The following KCNIP4 variants were observed in gnomAD, a reference collection of about 807,000 sequenced individuals.
KCNIP4 encodes potassium voltage-gated channel interacting protein 4.
Under a neutral mutation model 34.0 loss-of-function variants are expected in KCNIP4, and 12 were observed. The ratio of observed to expected loss-of-function variants is 0.35; its 90% CI spans 0.23 to 0.57. KCNIP4 has a LOEUF of 0.57. Ranked by LOEUF, KCNIP4 falls within the 20% of genes least tolerant of loss-of-function variation. The probability of loss-of-function intolerance (pLI) is 0.83; values close to 1 mark genes in which losing one functional copy is unlikely to be tolerated. For synonymous variants in KCNIP4, 124 were observed against 102.2 expected (o/e 1.21, Z -1.29); for missense variants, 238 against 311.7 (o/e 0.76, Z 1.78).
intron 1 of KCNIP4, among the ~76,000 whole-genome samples, chr4:21,006,991 C>A (rs913946093): frequency 6.6e-6 from 1 of 152,186 alleles, no homozygotes; most frequent in Non-Finnish European, 1.5e-5. Context: ...CTGGCAGTGC[C>A]TGGCTGACTT....
intron 1 of KCNIP4, among the ~76,000 whole-genome samples, chr4:21,433,852 A>C (rs1874339): frequency 0.29 from 43,529 of 152,120 alleles, 7,153 homozygotes; most frequent in Non-Finnish European, 0.38. Context: ...CTTCCATATA[A>C]ATAATTATCA....
chr4:21,478,167 G>A (rs966403072), intron 1 of KCNIP4, among the ~76,000 whole-genome samples: 3 of 151,304 alleles, frequency 2.0e-5, no homozygotes, highest in East Asian at 1.9e-4. Context: ...TCTTAATCTG[G>A]TTAATTTCCC....
chr4:20,943,700 G>C (rs1358511281), intron 1 of KCNIP4, among the ~76,000 whole-genome samples: 1 of 152,086 alleles, frequency 6.6e-6, no homozygotes, highest in African/African-American at 2.4e-5. Flanking sequence ...GTCTCTAATA[G>C]TTTCCTCCAC....
At chr4:21,385,749 A>G (rs1426042294) in intron 1 of KCNIP4, among the ~76,000 whole-genome samples, 1 of 152,182 alleles carries the variant, frequency 6.6e-6, no homozygotes, top group Non-Finnish European at 1.5e-5. Context: ...GAGAGATTAG[A>G]TGGGGCAGGT....
chr4:20,974,614 CA>C (rs1381846846), intron 1 of KCNIP4, among the ~76,000 whole-genome samples: 2 of 152,116 alleles, frequency 1.3e-5, no homozygotes, highest in Non-Finnish European at 2.9e-5. Context: ...AGATGCAGCT[CA>C]AAGATCACCT....
At chr4:20,816,474 C>G (rs1335143797) in intron 3 of KCNIP4, among the ~76,000 whole-genome samples, 2 of 152,104 alleles carry the variant, frequency 1.3e-5, no homozygotes, top group Non-Finnish European at 2.9e-5. Context: ...GACAAAAGAC[C>G]TCTCCAGCCA....
At chr4:21,499,330 C>CAAAAAAAAAAAAAAAAAA (rs527385773) in intron 1 of KCNIP4, among the ~76,000 whole-genome samples, 18 of 98,232 alleles carry the variant, frequency 1.8e-4, no homozygotes, top group African/African-American at 7.2e-4. Context: ...GACTCCATCT[C>CAAAAAAAAAAAAAAAAAA]AAAAAAAAAA....
At chr4:21,518,230 T>C (rs2109940772) in intron 1 of KCNIP4, among the ~76,000 whole-genome samples, 1 of 152,300 alleles carries the variant, frequency 6.6e-6, no homozygotes, top group East Asian at 1.9e-4. Flanking sequence ...TATATTGGCC[T>C]GGCAAGTCCA....
rs568178444 is a variant in KCNIP4, at chr4:20,971,478, AC to A, written c.62-88770del. On this transcript the variant is annotated intron_variant, in intron 1 of 8. Coordinates refer to ENST00000382152, the MANE Select transcript of KCNIP4 (RefSeq NM_025221.6). ...CAAATATCACAATCAAGCAAACCAT[AC>A]TTTTTTTTTTGTTTTCCTGTGAATA... 3.4e-3 allele frequency among the ~76,000 whole-genome samples: 485 copies of A among 143,198 alleles called. 3 individuals carry two copies. The highest frequency in any genetic ancestry group is 0.011 in the African/African-American group (464 of 40,736). The allele number at this position is 143,198 out of a possible 152,430, so 93.9% of individuals were successfully genotyped here.
At chr4:20,834,600 C>G (rs1046204024) in intron 3 of KCNIP4, among the ~76,000 whole-genome samples, 5 of 152,158 alleles carry the variant, frequency 3.3e-5, no homozygotes, top group African/African-American at 9.7e-5. Context: ...AGGCCAAAAG[C>G]TCTTCTCCAT....
chr4:21,248,960 TG>T (rs1410245870), intron 1 of KCNIP4, among the ~76,000 whole-genome samples: 3 of 152,126 alleles, frequency 2.0e-5, no homozygotes, highest in Non-Finnish European at 4.4e-5. Context: ...CCAACCCAAG[TG>T]GTCAACCAGT....
rs550162579 is a variant in KCNIP4, at chr4:21,300,986, A to T, written c.62-418277T>A. 1.7e-4 allele frequency among the ~76,000 whole-genome samples: 26 copies of T among 152,266 alleles called. No individual in the cohort carries two copies. In the East Asian group the frequency reaches 3.3e-3, roughly 19 times the overall value. ...AGAGAGTAGCAGAGGAGGCATAAGCATTTGTGCTCCAACTACTATTTTATA... is the reference window on the plus strand; with the variant it reads ...AGAGAGTAGCAGAGGAGGCATAAGCTTTTGTGCTCCAACTACTATTTTATA... On this transcript the variant is annotated intron_variant, in intron 1 of 8. Transcript: ENST00000382152.
At chr4:21,361,511 G>A (rs954432686) in intron 1 of KCNIP4, among the ~76,000 whole-genome samples, 2 of 151,954 alleles carry the variant, frequency 1.3e-5, no homozygotes, top group Non-Finnish European at 2.9e-5. Context: ...TCTTATTAGT[G>A]TCTGGCTTCT....
chr4:21,849,762 T>C (rs1724256566), intron 1 of KCNIP4: 1 of 152,128 alleles, frequency 6.6e-6, no homozygotes, highest in South Asian at 2.1e-4. Context: ...CAATAATCTT[T>C]ATGCACAGCA....
At chr4:20,833,511 A>T (rs1271639669) in intron 3 of KCNIP4, among the ~76,000 whole-genome samples, 2 of 146,366 alleles carry the variant, frequency 1.4e-5, no homozygotes, top group African/African-American at 2.7e-5. Context: ...ATAATACTTT[A>T]AAAAAATCTT....
chr4:20,897,322 T>A (rs1048541679), intron 1 of KCNIP4, among the ~76,000 whole-genome samples: 1 of 151,764 alleles, frequency 6.6e-6, no homozygotes, highest in African/African-American at 2.4e-5. Context: ...GCCTGAAATG[T>A]CTCCTCTCAA....
intron 1 of KCNIP4, among the ~76,000 whole-genome samples, chr4:21,860,578 C>T (rs181798861): frequency 8.4e-4 from 128 of 151,920 alleles, no homozygotes; most frequent in African/African-American, 2.7e-3. Flanking sequence ...AAATTTGATA[C>T]TTGAACAGTG....
intron 1 of KCNIP4, among the ~76,000 whole-genome samples, chr4:21,383,498 C>CAAAA (rs58025914): frequency 1.8e-5 from 2 of 114,098 alleles, no homozygotes; most frequent in East Asian, 2.6e-4. Context: ...AGTAGCAAGA[C>CAAAA]AAAAAAAAAA....
chr4:21,366,456 A>G (rs748459538), intron 1 of KCNIP4, among the ~76,000 whole-genome samples: 46 of 152,210 alleles, frequency 3.0e-4, no homozygotes, highest in Non-Finnish European at 6.0e-4. Context: ...TTCCTGTGGT[A>G]AGAGAGCTCA....
Sources: gnomAD v4.1 joint callset for allele counts (sites outside exome capture counted in the v4.1 genomes callset) on GRCh38, gnomAD v4.1.1 for gene constraint, MANE v1.5 for transcripts, NCBI Gene and HGNC (gene_info 2026-07-23, HGNC 2026-07-21) for gene names.